Variants in DOP1A observed in about 807,000 individuals in gnomAD.
DOP1A encodes DOP1 leucine zipper like protein A.
In DOP1A, 90 loss-of-function variants were observed where a neutral mutation model predicts 267.6. The ratio of observed to expected loss-of-function variants is 0.34; its 90% CI spans 0.28 to 0.40. The LOEUF is 0.40. Among genes scored for constraint, DOP1A ranks in the 10% least tolerant of loss-of-function variants. DOP1A has a pLI of 1.00. For synonymous variants in DOP1A, 932 were observed against 999.1 expected, an observed-to-expected ratio of 0.93 and a Z score of 1.27; for missense variants, 2,437 against 2,900.4, an observed-to-expected ratio of 0.84 and a Z score of 3.67.
Position 83,157,425 on chromosome 6 carries a change from T to C in DOP1A, c.6741+107T>C, listed in dbSNP as rs1376899946. The C allele has an allele frequency of 6.8e-6, 8 of 1,180,896 alleles. No homozygotes were observed. The East Asian group carries it at 1.7e-4, about 25-fold the overall frequency. The allele number at this position is 1,180,896 out of a possible 1,614,324, so 73.2% of individuals were successfully genotyped here. A position where few individuals can be genotyped will look rare whatever the true frequency, so the allele number is the denominator to read the frequency against. ...CGAATATTGGGAGAGAACTGAGCTG[T>C]AGTTAAACCAGTTACTGATGCTTTT... On this transcript the variant is annotated intron_variant, in intron 35 of 38. Coordinates refer to ENST00000349129, the MANE Select transcript of DOP1A (RefSeq NM_015018.4).
At chr6:83,098,746 A>C (rs1771961442) in intron 3 of DOP1A, among the ~76,000 whole-genome samples, 1 of 152,136 alleles carries the variant, frequency 6.6e-6, no homozygotes, top group Non-Finnish European at 1.5e-5. Flanking sequence ...GACACTCTCT[A>C]ATCATCCTTT....
chr6:83,166,367 T>C (rs1785591953), intron 38 of DOP1A: 2 of 699,416 alleles, frequency 2.9e-6, no homozygotes, highest in Admixed American at 2.0e-5. Context: ...CTAGTCTCCT[T>C]TGCAAAACTT....
chr6:83,153,758 ATAT>A, intron 31 of DOP1A, 133 bp from the exon 32 acceptor site: 2 of 1,170,460 alleles, frequency 1.7e-6, no homozygotes, highest in South Asian at 1.8e-5. Flanking sequence ...AAAAATTCAT[ATAT>A]TATTTTTCTT....
chr6:83,121,232 A>G (rs1047041138), intron 10 of DOP1A, among the ~76,000 whole-genome samples: 5 of 151,844 alleles, frequency 3.3e-5, no homozygotes, highest in Non-Finnish European at 7.4e-5. Context: ...TGAGACAGAA[A>G]TTAGTAAAAA....
intron 28 of DOP1A, 65 bp from the exon 29 acceptor site, chr6:83,151,815 AACT>A: frequency 6.6e-7 from 1 of 1,506,330 alleles, no homozygotes; most frequent in Non-Finnish European, 9.1e-7. Context: ...CAGAAATATA[AACT>A]ACAGAAGTTC....
Position 83,140,040 on chromosome 6 carries a change from C to T in DOP1A, c.5161C>T (p.Leu1721Phe), listed in dbSNP as rs1218077696. 1 of 1,613,586 alleles carries T rather than the reference C, an allele frequency of 6.2e-7. No individual in the cohort carries two copies. Among genetic ancestry groups the T allele is most frequent in the Non-Finnish European group, 8.5e-7 (1 of 1,179,742 alleles). ...MASIIPPDMI[L>F]TLLEGITAII... ...ATCAATTATTCCACCAGATATGATT[C>T]TTACTCTTTTGGAAGGGATTACAGC... Residue 1721 changes from leucine (L) to phenylalanine (F), a missense_variant, in exon 22 of 39, where the codon CTT becomes TTT. Coordinates refer to ENST00000349129, the MANE Select transcript of DOP1A (RefSeq NM_015018.4).
intron 1 of DOP1A, among the ~76,000 whole-genome samples, chr6:83,084,026 A>C (rs952744876): frequency 3.3e-5 from 5 of 152,242 alleles, no homozygotes; most frequent in Admixed American, 3.3e-4. Context: ...GTAAAGTTAA[A>C]TCAGCTTCAC....
chr6:83,122,578 A>G (rs947958935), intron 11 of DOP1A, among the ~76,000 whole-genome samples: 4 of 151,968 alleles, frequency 2.6e-5, no homozygotes, highest in African/African-American at 4.8e-5. Context: ...CACACACTAA[A>G]TAGTTCAAAA....
At chr6:83,148,980 T>C (rs1781068948) in intron 27 of DOP1A, 117 bp downstream of exon 27, 1 of 578,384 alleles carries the variant, frequency 1.7e-6, no homozygotes, top group East Asian at 3.5e-5. Context: ...TCTCATAGTG[T>C]TCTTGAGATG....
At chr6:83,158,723 CTTAT>C (rs1783444576) in intron 36 of DOP1A, 101 bp downstream of exon 36, 2 of 791,916 alleles carry the variant, frequency 2.5e-6, no homozygotes, top group Non-Finnish European at 4.0e-6. Flanking sequence ...TTTCTGAATA[CTTAT>C]TTATTATTAT....
chr6:83,128,697 G>C (rs1777571263), intron 15 of DOP1A, among the ~76,000 whole-genome samples, 190 bp from the exon 16 acceptor site: 1 of 152,144 alleles, frequency 6.6e-6, no homozygotes, highest in South Asian at 2.1e-4. Context: ...CTAACCTTAT[G>C]TATGCTGTGT....
intron 4 of DOP1A, 28 bp downstream of exon 4, chr6:83,100,914 A>C: frequency 1.6e-6 from 2 of 1,287,810 alleles, no homozygotes; most frequent in Non-Finnish European, 2.0e-6. Context: ...ATATATATAC[A>C]AATAATATAA....
In DOP1A at chr6:83,137,884, C is replaced by T. The variant is rs373288440; in HGVS notation, c.3842C>T (p.Ser1281Leu). 3.1e-6 allele frequency: 5 copies of T among 1,612,922 alleles called. No homozygotes were observed. In the South Asian group the frequency reaches 4.4e-5, roughly 14 times the overall value. The change falls in exon 21 of 39, where the codon TCG (serine) becomes TTG (leucine). Residue 1281 changes from serine (S) to leucine (L), a missense_variant. Coordinates refer to ENST00000349129, the MANE Select transcript of DOP1A (RefSeq NM_015018.4). Reference protein sequence around the residue: ...SFKEKLSEKVSEKETIVKESG... With the variant: ...SFKEKLSEKVLEKETIVKESG... The stretch of plus-strand genomic sequence containing the variant: ...AAAGAAAAATTATCAGAAAAAGTTT[C>T]GGAGAAGGAAACAATAGTTAAGGAG...
intron 20 of DOP1A, 83 bp from the exon 21 acceptor site, chr6:83,137,090 T>G (rs2128263320): frequency 2.4e-6 from 3 of 1,242,996 alleles, no homozygotes; most frequent in Admixed American, 6.5e-5. Flanking sequence ...GATTAAAAAT[T>G]TTGATCAGTC....
chr6:83,152,277 CTTAT>C lies in DOP1A; in HGVS notation c.6050-6_6050-3del. The C allele has an allele frequency of 6.6e-7, 1 of 1,512,594 alleles. No individual in the cohort carries two copies. 93.7% of individuals were successfully genotyped at this position (1,512,594 alleles called of 1,614,324 possible). ...GAATTAGCCATATCTTTAATTTTCT[CTTAT>C]TTATAGATATGTTATCACCTGCAAT... On this transcript the variant is annotated splice_polypyrimidine_tract_variant and splice_region_variant and intron_variant, in intron 29 of 38. Transcript: ENST00000349129.
At position 83,117,095 on chromosome 6, in the gene DOP1A, T is replaced by A. The variant is rs116043545; in HGVS notation, c.781-1793T>A. On this transcript the variant is annotated intron_variant, in intron 7 of 38. Coordinates refer to ENST00000349129, the MANE Select transcript of DOP1A (RefSeq NM_015018.4). The stretch of plus-strand genomic sequence containing the variant: ...TTAAGACAACTATCATACTTCAGTA[T>A]ACATCAGAAGTAATTTTAGTACTTT... 5.3e-3 allele frequency among the ~76,000 whole-genome samples: 812 copies of A among 151,920 alleles called. 10 individuals carry two copies. The highest frequency in any genetic ancestry group is 0.019 in the African/African-American group (777 of 41,482).
intron 1 of DOP1A, among the ~76,000 whole-genome samples, chr6:83,071,960 T>C (rs184143488): frequency 6.6e-6 from 1 of 152,324 alleles, no homozygotes; most frequent in Non-Finnish European, 1.5e-5. Context: ...AAAGCTCCTG[T>C]ATGAGTAGAT....
rs980280810 is a variant in DOP1A at position 83,125,093 on chromosome 6, A to G, written c.1456-73A>G. ...CTGCATTTATATTAATATTATTTCT[A>G]TTAAATGAAGACTTTTGGAAATCTT... On this transcript the variant is annotated intron_variant, in intron 13 of 38. Transcript: ENST00000349129. The G allele has an allele frequency of 2.2e-6, 3 of 1,341,810 alleles. No homozygotes were observed. In the African/African-American group the frequency reaches 4.5e-5, roughly 20 times the overall value. 83.1% of individuals were successfully genotyped at this position (1,341,810 alleles called of 1,614,324 possible).
Position 83,157,249 on chromosome 6 carries a change from CAG to C in DOP1A, c.6675_6676del (p.Arg2225SerfsTer36), listed in dbSNP as rs1352077676. 2 of 1,613,946 alleles carry C rather than the reference CAG, an allele frequency of 1.2e-6. No individual in the cohort carries two copies. Among genetic ancestry groups the C allele is most frequent in the Non-Finnish European group, 1.7e-6 (2 of 1,179,896 alleles). On this transcript the variant is annotated frameshift_variant, in exon 35 of 39. Transcript: ENST00000349129. LOFTEE classifies it high-confidence loss of function. ...TCCATTCTCAAGTGTTCCTGTTTTT[CAG>C]AGTGTTACTTTTAAGAATGTCTCCC... Reference protein sequence around the residue: ...TLHSQVFLFFRVLLLRMSPQH... With the variant: ...TLHSQVFLFFXVLLLRMSPQH...
Sources: allele counts gnomAD v4.1 joint callset (sites outside exome capture counted in the v4.1 genomes callset), GRCh38; gene constraint gnomAD v4.1.1; transcripts MANE v1.5; gene names NCBI Gene and HGNC (gene_info 2026-07-23, HGNC 2026-07-21).